The following CFAP65 variants were observed in gnomAD, a reference collection of about 807,000 sequenced individuals.
CFAP65 encodes cilia- and flagella-associated protein 65.
Under a neutral mutation model 208.0 loss-of-function variants are expected in CFAP65, and 155 were observed. The ratio of observed to expected loss-of-function variants is 0.75; its 90% CI spans 0.65 to 0.85. CFAP65 has a LOEUF of 0.85. Ranked by LOEUF, CFAP65 falls within the 40% of genes least tolerant of loss-of-function variation. The pLI, the probability that CFAP65 is intolerant of heterozygous loss-of-function variation, is 0.00. For missense variants in CFAP65, 2,294 were observed against 2,451.3 expected (o/e 0.94, Z 1.36); for synonymous variants, 970 against 986.3 (o/e 0.98, Z 0.31).
In CFAP65 at chr2:219,021,895, C is replaced by T. The variant is rs1394373566; in HGVS notation, c.3015G>A (p.Leu1005=). The change falls in exon 18 of 35, where the codon CTG becomes CTA. Residue 1005 remains leucine (L), a synonymous_variant. Coordinates refer to ENST00000341552, the MANE Select transcript of CFAP65 (RefSeq NM_194302.4). The stretch of plus-strand genomic sequence containing the variant: ...GGAACCTGGACTGCTTGCTGTTCAC[C>T]AGCACATTCCCAAAGGCCAGCTCCT... ...KEKELAFGNV[L]VNSKQSRFLV... 2 of 1,613,756 alleles carry T rather than the reference C, an allele frequency of 1.2e-6. No homozygotes were observed.
Position 219,024,239 on chromosome 2 carries a change from C to T in CFAP65, c.2371G>A (p.Gly791Ser), listed in dbSNP as rs775364704. The change falls in exon 15 of 35, where the codon GGT (glycine) becomes AGT (serine). Residue 791 changes from glycine (G) to serine (S), a missense_variant. Transcript: ENST00000341552. ...AGCAGGCTGCGGTAGGTGGGCTCAC[C>T]GGAGGACACTGCTGGAAATAGCTGG... ...VPKLFPAVSS[G>S]EPTYRSLLLV... The T allele has an allele frequency of 2.6e-5, 42 of 1,612,892 alleles. No individual in the cohort carries two copies. The highest frequency in any genetic ancestry group is 8.3e-5 in the Admixed American group (5 of 59,980).
In CFAP65 at chr2:219,004,987, G is replaced by A. The variant is rs1033166439; in HGVS notation, c.5051+447C>T. Among the ~76,000 whole-genome samples the A allele has an allele frequency of 4.6e-5, 5 of 108,166 alleles. No homozygotes were observed. Among genetic ancestry groups the A allele is most frequent in the African/African-American group, 1.9e-4 (5 of 26,130 alleles). 71.0% of individuals were successfully genotyped at this position (108,166 alleles called of 152,430 possible). A position where few individuals can be genotyped will look rare whatever the true frequency, so the allele number is the denominator to read the frequency against. ...TCTCTTTCTTTCTTTCTCTCTTTCT[G>A]TCTTTGTCTCTTTCTTTCTTTCTCT... is the stretch of plus-strand genomic sequence containing the variant. On this transcript the variant is annotated intron_variant, in intron 32 of 34. Coordinates refer to ENST00000341552, the MANE Select transcript of CFAP65 (RefSeq NM_194302.4). This position sits in a 1 kb window ranked among gnomAD's most constrained non-coding sequence, Gnocchi z 4.7.
At position 219,013,264 on chromosome 2, in the gene CFAP65, G is replaced by A. The variant is rs374213318; in HGVS notation, c.3952C>T (p.Arg1318Trp). 5.3e-5 allele frequency: 86 copies of A among 1,610,216 alleles called. No homozygotes were observed. The highest frequency in any genetic ancestry group is 1.7e-4 in the Middle Eastern group (1 of 6,048). The change falls in exon 24 of 35, where the codon CGG becomes TGG. Residue 1318 changes from arginine (R) to tryptophan (W), a missense_variant. This residue lies in a region of CFAP65 where 1,427 missense variants were observed against 1,438.7 expected (regional missense o/e 0.99). Transcript: ENST00000341552. ...PIPIGDTLPP[R>W]QIYELYNGGS... ...GGACAATGTGGACCACTGACCTGCC[G>A]TGGGGGTAGCGTGTCACCAATGGGA...
chr2:219,003,085 C>G lies in CFAP65; in HGVS notation c.5693+50G>C. On this transcript the variant is annotated intron_variant, in intron 34 of 34. Transcript: ENST00000341552. The surrounding 1 kb of genome is among the most constrained non-coding windows in gnomAD (Gnocchi z 4.4). ...GCTTCGGGCAGAGCCTGGCTGCCCC[C>G]GTGGCCCCTCTCGCGCGGTCTGCGC... 1 of 1,546,384 alleles carries G rather than the reference C, an allele frequency of 6.5e-7. No homozygotes were observed. The highest frequency in any genetic ancestry group is 8.7e-7 in the Non-Finnish European group (1 of 1,143,678).
In CFAP65 at chr2:219,019,670, G is replaced by A. The variant is rs553272675; in HGVS notation, c.3309C>T (p.Ala1103=). 7.4e-6 allele frequency: 12 copies of A among 1,613,634 alleles called. No individual in the cohort carries two copies. The South Asian group carries it at 8.8e-5, about 12-fold the overall frequency. The change falls in exon 20 of 35, where the codon GCC becomes GCT. Residue 1103 remains alanine, a synonymous_variant. Transcript: ENST00000341552. ...CCAGGATGGAAAGCAAGGGGTACAC[G>A]GCCACCAGGGAGACGCAGCACAGCT... ...KQELCCVSLV[A]VYPLLSILDV...
intron 11 of CFAP65, among the ~76,000 whole-genome samples, chr2:219,028,770 C>T (rs1947827853): frequency 6.6e-6 from 1 of 152,198 alleles, no homozygotes; most frequent in Non-Finnish European, 1.5e-5. Context: ...AGGCCTCCCT[C>T]TGGGCTTCTG....
chr2:219,014,207 T>A (rs200297736), intron 21 of CFAP65, 163 bp from the exon 22 acceptor site: 16 of 536,352 alleles, frequency 3.0e-5, no homozygotes, highest in Non-Finnish European at 4.7e-5. Flanking sequence ...AATGTGGCTG[T>A]TGTGGATTCT....
rs770128402 is a variant in CFAP65, at chr2:219,031,688, A to C, written c.646-30T>G. ...AGTGTGAGGCGGGGCAGGGGCAGTC[A>C]CCCATCAGTGGCATTCAGGGACTGC... On this transcript the variant is annotated intron_variant, in intron 6 of 34. Transcript: ENST00000341552. The surrounding 1 kb of genome is among the most constrained non-coding windows in gnomAD (Gnocchi z 5.2). 28 of 1,572,016 alleles carry C rather than the reference A, an allele frequency of 1.8e-5. No homozygotes were observed. Among genetic ancestry groups the C allele is most frequent in the East Asian group, 1.6e-4 (7 of 44,484 alleles).
At chr2:219,035,397 G>GT in intron 5 of CFAP65, 83 bp downstream of exon 5, 1 of 1,606,612 alleles carries the variant, frequency 6.2e-7, no homozygotes, top group African/African-American at 1.3e-5. Context: ...GGTTTTTTTT[G>GT]TTTGTTTTGT....
chr2:219,004,037 C>G lies in CFAP65; in HGVS notation c.5470G>C (p.Glu1824Gln), dbSNP rs756774974. 1 of 1,614,106 alleles carries G rather than the reference C, an allele frequency of 6.2e-7. No homozygotes were observed. The highest frequency in any genetic ancestry group is 8.5e-7 in the Non-Finnish European group (1 of 1,180,038). The stretch of plus-strand genomic sequence containing the variant: ...TGTTGCCACTGCCATTGCATGGACT[C>G]CTGGGACTCAGGCTGTGGTGTGGGC... ...IGPTPQPESQ[E>Q]SMQWQWQQQL... The change falls in exon 33 of 35, where the codon GAG becomes CAG. Residue 1824 changes from glutamate to glutamine, a missense_variant. Glu to Gln is a conservative substitution (Grantham distance 29). Transcript: ENST00000341552. The surrounding 1 kb of genome is among the most constrained non-coding windows in gnomAD (Gnocchi z 4.7).
rs756661215 is a variant in CFAP65, at chr2:219,030,701, G to A, written c.1149C>T (p.His383=). Reference sequence around the variant, plus strand: ...GCCTGGTGCCTACCGCCGACGGGTTGTGTAGCCTGATCTGCCTCTCCGAGG... The same window carrying A: ...GCCTGGTGCCTACCGCCGACGGGTTATGTAGCCTGATCTGCCTCTCCGAGG... ...GCTSERQIRL[H]NPSAVNAPFR... is the part of the protein sequence containing the mutation. Residue 383 remains histidine (H), a synonymous_variant, in exon 9 of 35, where the codon CAC becomes CAT. Transcript: ENST00000341552. 2.4e-5 allele frequency: 38 copies of A among 1,613,804 alleles called. No homozygotes were observed. Among genetic ancestry groups the A allele is most frequent in the South Asian group, 2.2e-5 (2 of 91,074 alleles).
Position 219,004,935 on chromosome 2 carries a change from TTTTCTTTCTTTC to T in CFAP65, c.5051+487_5052-481del, listed in dbSNP as rs61214924. Reference sequence around the variant, plus strand: ...TCTTTCTCTCTCTTTCTCTCCTCTTTTTTCTTTCTTTCTTTCTTTCTTTCTCTCTCTTTCTTT... The same window carrying T: ...TCTTTCTCTCTCTTTCTCTCCTCTTTTTTCTTTCTTTCTCTCTCTTTCTTT... On this transcript the variant is annotated intron_variant, in intron 32 of 34. Coordinates refer to ENST00000341552, the MANE Select transcript of CFAP65 (RefSeq NM_194302.4). This position sits in a 1 kb window ranked among gnomAD's most constrained non-coding sequence, Gnocchi z 4.7. Among the ~76,000 whole-genome samples the T allele has an allele frequency of 1.3e-5, 2 of 149,024 alleles. No individual in the cohort carries two copies. The highest frequency in any genetic ancestry group is 6.6e-5 in the Admixed American group (1 of 15,108).
intron 30 of CFAP65, 70 bp downstream of exon 30, chr2:219,006,395 T>C: frequency 1.3e-6 from 2 of 1,579,732 alleles, no homozygotes; most frequent in Middle Eastern, 1.7e-4. Flanking sequence ...GGGTTGGAGG[T>C]CTCTCTGGGA....
In CFAP65 at chr2:219,009,931, G is replaced by A. The variant is rs567855652; in HGVS notation, c.4452+11C>T. 8 of 1,603,196 alleles carry A rather than the reference G, an allele frequency of 5.0e-6. No individual in the cohort carries two copies. In the South Asian group the frequency reaches 6.8e-5, roughly 14 times the overall value. On this transcript the variant is annotated intron_variant, in intron 27 of 34. Transcript: ENST00000341552. Reference sequence around the variant, plus strand: ...CTCTGATGGAGGTTCCAGGGCTCAGGGGACTCTCACCTCCCCAAAATCTAG... The same window carrying A: ...CTCTGATGGAGGTTCCAGGGCTCAGAGGACTCTCACCTCCCCAAAATCTAG...
In CFAP65 at chr2:219,021,878, G is replaced by A. The variant is rs776186142; in HGVS notation, c.3032C>T (p.Ser1011Phe). The A allele has an allele frequency of 4.3e-6, 7 of 1,613,844 alleles. No homozygotes were observed. In the African/African-American group the frequency reaches 6.7e-5, roughly 15 times the overall value. ...GTCATTCAGGAGGACAAGGAACCTGGACTGCTTGCTGTTCACCAGCACATT... is the reference window on the plus strand; with the variant it reads ...GTCATTCAGGAGGACAAGGAACCTGAACTGCTTGCTGTTCACCAGCACATT... ...FGNVLVNSKQSRFLVLLNDGN... is the reference protein window; with the variant it reads ...FGNVLVNSKQFRFLVLLNDGN... The change falls in exon 18 of 35, where the codon TCC (serine) becomes TTC (phenylalanine). Residue 1011 changes from serine (S) to phenylalanine (F), a missense_variant. Coordinates refer to ENST00000341552, the MANE Select transcript of CFAP65 (RefSeq NM_194302.4).
chr2:219,011,042 G>A (rs1025198731), intron 24 of CFAP65, 46 bp from the exon 25 acceptor site: 1 of 1,534,958 alleles, frequency 6.5e-7, no homozygotes, highest in Admixed American at 1.8e-5. Flanking sequence ...GCTCAGCACT[G>A]CAAATCAGAA....
At position 219,004,101 on chromosome 2, in the gene CFAP65, C is replaced by T. The variant is rs1945768697; in HGVS notation, c.5406G>A (p.Arg1802=). 6.2e-7 allele frequency: 1 copy of T among 1,613,832 alleles called. No homozygotes were observed. Among genetic ancestry groups the T allele is most frequent in the Non-Finnish European group, 8.5e-7 (1 of 1,179,990 alleles). ...AGCTCACTTTCTCTTCCTTCTCATC[C>T]CTCTCCTCCTCCTTCTCCTCTATCT... ...KEEIEEKEEE[R]DEKEEKVSWA... The change falls in exon 33 of 35, where the codon AGG becomes AGA. Residue 1802 remains arginine (R), a synonymous_variant. Transcript: ENST00000341552. The surrounding 1 kb of genome is among the most constrained non-coding windows in gnomAD (Gnocchi z 4.7).
rs1947286705 is a variant in CFAP65 at position 219,021,876 on chromosome 2, T to C, written c.3034A>G (p.Arg1012Gly). ...CCGTCATTCAGGAGGACAAGGAACC[T>C]GGACTGCTTGCTGTTCACCAGCACA... ...GNVLVNSKQS[R>G]FLVLLNDGNC... The change falls in exon 18 of 35, where the codon AGG becomes GGG. Residue 1012 changes from arginine to glycine, a missense_variant. This residue lies in a region of CFAP65 where 1,427 missense variants were observed against 1,438.7 expected (regional missense o/e 0.99). Coordinates refer to ENST00000341552, the MANE Select transcript of CFAP65 (RefSeq NM_194302.4). The C allele has an allele frequency of 1.2e-6, 2 of 1,613,864 alleles. No individual in the cohort carries two copies. Among genetic ancestry groups the C allele is most frequent in the Non-Finnish European group, 1.7e-6 (2 of 1,180,022 alleles).
Position 219,032,520 on chromosome 2 carries a change from T to C in CFAP65, c.595A>G (p.Ser199Gly). ...GGGAGCGTGAGGGTTATGCCTGGGC[T>C]CAGGAAGATGGGCTGAGGGATGACC... is the stretch of plus-strand genomic sequence containing the variant. ...FTVIPQPIFLSPGITLTLPIV... is the reference protein window; with the variant it reads ...FTVIPQPIFLGPGITLTLPIV... The change falls in exon 6 of 35, where the codon AGC (serine) becomes GGC (glycine). Residue 199 changes from serine (S) to glycine (G), a missense_variant. This residue lies in a region of CFAP65 where 867 missense variants were observed against 1,012.6 expected (regional missense o/e 0.86). Transcript: ENST00000341552. The surrounding 1 kb of genome is among the most constrained non-coding windows in gnomAD (Gnocchi z 5.5). The C allele has an allele frequency of 5.0e-6, 8 of 1,607,266 alleles. No homozygotes were observed. The highest frequency in any genetic ancestry group is 5.9e-6 in the Non-Finnish European group (7 of 1,177,092).
Sources: allele counts gnomAD v4.1 joint callset (sites outside exome capture counted in the v4.1 genomes callset), GRCh38; gene constraint gnomAD v4.1.1; regional missense constraint gnomAD v4.1.1; non-coding constraint Gnocchi (gnomAD v3.1); transcripts MANE v1.5; gene names NCBI Gene and HGNC (gene_info 2026-07-23, HGNC 2026-07-21).